Variants in FSTL5 observed in about 807,000 individuals in gnomAD.
FSTL5 encodes the protein follistatin like 5, also known as follistatin-related protein 5.
Under a neutral mutation model 89.1 loss-of-function variants are expected in FSTL5, and 62 were observed. That is an observed-to-expected ratio of 0.70 (90% CI 0.57 to 0.86). The LOEUF (loss-of-function observed/expected upper bound fraction) is 0.86. Ranked by LOEUF, FSTL5 falls within the 40% of genes least tolerant of loss-of-function variation. The probability of loss-of-function intolerance (pLI) is 0.00; values close to 1 mark genes in which losing one functional copy is unlikely to be tolerated. For missense variants in FSTL5, 1,057 were observed against 1,001.6 expected (o/e 1.06, Z -0.75); for synonymous variants, 383 against 346.2 (o/e 1.11, Z -1.18).
intron 6 of FSTL5, among the ~76,000 whole-genome samples, chr4:161,678,006 A>G (rs1243615362): frequency 4.0e-5 from 6 of 151,808 alleles, no homozygotes; most frequent in Non-Finnish European, 8.8e-5. Flanking sequence ...AAAAATATTA[A>G]CCCCTCAAAA....
intron 7 of FSTL5, among the ~76,000 whole-genome samples, chr4:161,634,235 T>A (rs543956604): frequency 6.6e-6 from 1 of 152,276 alleles, no homozygotes; most frequent in South Asian, 2.1e-4. Flanking sequence ...GGAGAGATAA[T>A]AATACAAAAC....
At chr4:162,015,536 C>T (rs1007716017) in intron 3 of FSTL5, among the ~76,000 whole-genome samples, 2 of 152,140 alleles carry the variant, frequency 1.3e-5, no homozygotes, top group African/African-American at 2.4e-5. Flanking sequence ...TTAGCCTGAA[C>T]CCAGAAAGAA....
intron 6 of FSTL5, among the ~76,000 whole-genome samples, chr4:161,667,798 C>A (rs529292780): frequency 6.6e-6 from 1 of 151,860 alleles, no homozygotes; most frequent in Non-Finnish European, 1.5e-5. Context: ...TGAATGGGAA[C>A]ATTCTCAACA....
At chr4:162,014,318 G>A (rs1158059994) in intron 3 of FSTL5, among the ~76,000 whole-genome samples, 1 of 152,200 alleles carries the variant, frequency 6.6e-6, no homozygotes, top group East Asian at 1.9e-4. Flanking sequence ...ATACTGCAAG[G>A]CAGCTGGAGT....
At chr4:162,027,747 GT>G (rs1737353224) in intron 3 of FSTL5, among the ~76,000 whole-genome samples, 1 of 151,824 alleles carries the variant, frequency 6.6e-6, no homozygotes, top group Admixed American at 6.6e-5. Flanking sequence ...ATTTTGAAAT[GT>G]TTTAGATTCT....
At chr4:161,409,825 T>C (rs1731526298) in intron 15 of FSTL5, among the ~76,000 whole-genome samples, 1 of 152,128 alleles carries the variant, frequency 6.6e-6, no homozygotes, top group Admixed American at 6.5e-5. Context: ...ATCACATCTA[T>C]ATATTAAATA....
intron 13 of FSTL5, among the ~76,000 whole-genome samples, chr4:161,480,535 A>G (rs984714360): frequency 6.6e-6 from 1 of 152,216 alleles, no homozygotes; most frequent in Non-Finnish European, 1.5e-5. Flanking sequence ...TGCTTTCTCT[A>G]TCTCTAACCT....
intron 3 of FSTL5, among the ~76,000 whole-genome samples, chr4:162,023,264 C>A (rs974610545): frequency 1.3e-5 from 2 of 152,118 alleles, no homozygotes; most frequent in Non-Finnish European, 1.5e-5. Flanking sequence ...AGTAGTGTAT[C>A]TCCAGTGCTG....
At chr4:162,014,538 A>G (rs1736861360) in intron 3 of FSTL5, among the ~76,000 whole-genome samples, 1 of 152,212 alleles carries the variant, frequency 6.6e-6, no homozygotes, top group African/African-American at 2.4e-5. Flanking sequence ...GCCTTGAGTT[A>G]GATAAATTTG....
intron 1 of FSTL5, among the ~76,000 whole-genome samples, chr4:162,158,492 G>A (rs993637888): frequency 6.6e-6 from 1 of 151,938 alleles, no homozygotes; most frequent in South Asian, 2.1e-4. Flanking sequence ...ATAATAAGAG[G>A]CATTTACATA....
At chr4:162,008,061 A>G (rs1444591805) in intron 3 of FSTL5, among the ~76,000 whole-genome samples, 1 of 151,870 alleles carries the variant, frequency 6.6e-6, no homozygotes, top group African/African-American at 2.4e-5. Context: ...TTTGTTATGT[A>G]AAATATACTA....
chr4:161,978,303 A>C (rs949699157), intron 3 of FSTL5, among the ~76,000 whole-genome samples: 2 of 152,206 alleles, frequency 1.3e-5, no homozygotes, highest in Non-Finnish European at 2.9e-5. Context: ...TGTTTTCTAA[A>C]ATGTTAAAAT....
chr4:161,848,044 A>AAAAC (rs1167798789), intron 4 of FSTL5, among the ~76,000 whole-genome samples: 2 of 147,174 alleles, frequency 1.4e-5, no homozygotes, highest in East Asian at 1.9e-4. Flanking sequence ...CTCAAAAAAA[A>AAAAC]AAAAAAAAAA....
intron 5 of FSTL5, among the ~76,000 whole-genome samples, chr4:161,773,905 C>A (rs185803591): frequency 6.6e-6 from 1 of 152,232 alleles, no homozygotes; most frequent in African/African-American, 2.4e-5. Context: ...TTTATAGTAG[C>A]ACAATTGTCA....
intron 2 of FSTL5, among the ~76,000 whole-genome samples, chr4:162,040,559 G>C (rs968112969): frequency 6.6e-6 from 1 of 151,688 alleles, no homozygotes; most frequent in African/African-American, 2.4e-5. Flanking sequence ...AGTGGGCATA[G>C]AAAAAAATGC....
At chr4:161,638,878 A>G (rs1283731974) in intron 7 of FSTL5, among the ~76,000 whole-genome samples, 2 of 138,380 alleles carry the variant, frequency 1.4e-5, no homozygotes, top group East Asian at 4.0e-4. Context: ...CAGCATATAA[A>G]CAGAGCCAAA....
At chr4:161,934,496 A>G (rs1734379800) in intron 3 of FSTL5, among the ~76,000 whole-genome samples, 2 of 152,104 alleles carry the variant, frequency 1.3e-5, no homozygotes, top group South Asian at 4.1e-4. Flanking sequence ...CTCATATGTA[A>G]CTTTTTAAAA....
chr4:161,609,802 T>C (rs997510724), intron 7 of FSTL5, among the ~76,000 whole-genome samples: 3 of 152,228 alleles, frequency 2.0e-5, no homozygotes, highest in African/African-American at 7.2e-5. Flanking sequence ...AGGTGAATGC[T>C]GCCTACAGTA....
At chr4:161,917,612 T>C (rs1676511773) in intron 4 of FSTL5, among the ~76,000 whole-genome samples, 3 of 152,182 alleles carry the variant, frequency 2.0e-5, no homozygotes, top group African/African-American at 7.2e-5. Context: ...CTACTTAATT[T>C]TGCCACATAT....
Sources: allele counts gnomAD v4.1 joint callset (sites outside exome capture counted in the v4.1 genomes callset), GRCh38; gene constraint gnomAD v4.1.1; transcripts MANE v1.5; gene names NCBI Gene and HGNC (gene_info 2026-07-23, HGNC 2026-07-21).